The following APELA variants were observed in gnomAD, a reference collection of about 807,000 sequenced individuals.
APELA encodes the protein apelin receptor early endogenous ligand.
chr4:164,888,902 G>A (rs929876982), intron 2 of APELA, among the ~76,000 whole-genome samples: 21 of 152,162 alleles, frequency 1.4e-4, no homozygotes, highest in Admixed American at 1.1e-3. Context: ...CCGCCTAGAC[G>A]TGCTTTTTTC....
chr4:164,882,125 A>G (rs115318210), intron 2 of APELA, among the ~76,000 whole-genome samples: 3,044 of 152,104 alleles, frequency 0.02, 92 homozygotes, highest in African/African-American at 0.069. Context: ...TTTTTGAGAC[A>G]GAGTTTTCAC....
rs1490581588 is a variant in APELA at position 164,896,402 on chromosome 4, T to G, written c.*988T>G. 1 of 152,230 alleles carries G rather than the reference T, an allele frequency of 6.6e-6. No individual in the cohort carries two copies. The highest frequency in any genetic ancestry group is 1.5e-5 in the Non-Finnish European group (1 of 68,048). The allele number at this position is 152,230 out of a possible 1,614,324, so 9.4% of individuals were successfully genotyped here. A position where few individuals can be genotyped will look rare whatever the true frequency, so the allele number is the denominator to read the frequency against. Reference sequence around the variant, plus strand: ...ACGTTTGATTTCCTTTGAAGTTTTGTTATGTCCTTTATTATTTTGTATGGA... The same window carrying G: ...ACGTTTGATTTCCTTTGAAGTTTTGGTATGTCCTTTATTATTTTGTATGGA... On this transcript the variant is annotated 3_prime_UTR_variant, in exon 3 of 3. Transcript: ENST00000507152.
intron 2 of APELA, among the ~76,000 whole-genome samples, chr4:164,879,691 C>A (rs137988273): frequency 6.6e-6 from 1 of 152,204 alleles, no homozygotes; most frequent in Non-Finnish European, 1.5e-5. Context: ...GTGATCCACC[C>A]GCCTTGGCCT....
intron 2 of APELA, among the ~76,000 whole-genome samples, chr4:164,883,484 C>CTTTTTTTTTTTTTTTTT (rs758157733): frequency 7.7e-6 from 1 of 129,368 alleles, no homozygotes; most frequent in Non-Finnish European, 1.6e-5. Context: ...TCTAGTCTTT[C>CTTTTTTTTTTTTTTTTT]TTTTTCTTTT....
intron 2 of APELA, chr4:164,879,278 T>C: frequency 6.7e-6 from 2 of 297,220 alleles, no homozygotes; most frequent in Non-Finnish European, 1.2e-5. Context: ...ATTTGGGGGC[T>C]AATATTATTG....
At chr4:164,884,045 GA>G (rs1730712517) in intron 2 of APELA, among the ~76,000 whole-genome samples, 1 of 147,514 alleles carries the variant, frequency 6.8e-6, no homozygotes, top group African/African-American at 2.5e-5. Context: ...AAGAAAAAAG[GA>G]AAGAAAGAAA....
chr4:164,884,187 GAAAC>G (rs1422633691), intron 2 of APELA, among the ~76,000 whole-genome samples: 1 of 150,652 alleles, frequency 6.6e-6, no homozygotes, highest in Non-Finnish European at 1.5e-5. Flanking sequence ...AGAGAAGAAA[GAAAC>G]AAAGAGAGAG....
intron 2 of APELA, among the ~76,000 whole-genome samples, chr4:164,879,423 T>G (rs1035953801): frequency 5.3e-5 from 8 of 151,602 alleles, no homozygotes. Context: ...CTTCTCCTCC[T>G]CTCCTCCTCT....
At chr4:164,895,346 C>T (rs1730953795) in intron 2 of APELA, 70 bp from the exon 3 acceptor site, 1 of 151,998 alleles carries the variant, frequency 6.6e-6, no homozygotes, top group Non-Finnish European at 1.5e-5. Flanking sequence ...AAAAATTAGG[C>T]ATGTGTTTAT....
chr4:164,878,135 G>GAAA (rs75632850), intron 1 of APELA, among the ~76,000 whole-genome samples: 2 of 112,212 alleles, frequency 1.8e-5, no homozygotes, highest in African/African-American at 7.1e-5. Flanking sequence ...CAGTAAGTTT[G>GAAA]AAAAAAAAAA....
chr4:164,885,169 C>T (rs1389385621), intron 2 of APELA, among the ~76,000 whole-genome samples: 2 of 152,076 alleles, frequency 1.3e-5, no homozygotes, highest in Non-Finnish European at 1.5e-5. Flanking sequence ...CTTGCTCTGT[C>T]GCCCAGGCTG....
At chr4:164,884,373 C>G (rs73871523) in intron 2 of APELA, among the ~76,000 whole-genome samples, 2,253 of 152,230 alleles carry the variant, frequency 0.015, 49 homozygotes, top group African/African-American at 0.051. Context: ...CACATTGTTC[C>G]CCTTTTCCTT....
chr4:164,888,295 C>T (rs757759701), intron 2 of APELA, among the ~76,000 whole-genome samples: 5 of 152,120 alleles, frequency 3.3e-5, no homozygotes, highest in Non-Finnish European at 7.3e-5. Flanking sequence ...GGCAGAGGAC[C>T]AAGACAGGCA....
intron 2 of APELA, among the ~76,000 whole-genome samples, chr4:164,892,277 A>G (rs558550246): frequency 3.3e-5 from 5 of 152,278 alleles, no homozygotes; most frequent in South Asian, 2.1e-4. Flanking sequence ...GCTGTGATCA[A>G]ACCACTGCAT....
In APELA at chr4:164,896,389, C is replaced by T. The variant is rs867177073; in HGVS notation, c.*975C>T. 6.6e-6 allele frequency: 1 copy of T among 152,116 alleles called. No individual in the cohort carries two copies. Among genetic ancestry groups the T allele is most frequent in the Non-Finnish European group, 1.5e-5 (1 of 68,018 alleles). 9.4% of individuals were successfully genotyped at this position (152,116 alleles called of 1,614,324 possible). A position where few individuals can be genotyped will look rare whatever the true frequency, so the allele number is the denominator to read the frequency against. The stretch of plus-strand genomic sequence containing the variant: ...TTATAGGAACCCAACGTTTGATTTC[C>T]TTTGAAGTTTTGTTATGTCCTTTAT... On this transcript the variant is annotated 3_prime_UTR_variant, in exon 3 of 3. Transcript: ENST00000507152.
At chr4:164,884,653 G>A (rs964278738) in intron 2 of APELA, among the ~76,000 whole-genome samples, 1 of 151,454 alleles carries the variant, frequency 6.6e-6, no homozygotes, top group Non-Finnish European at 1.5e-5. Context: ...GATCATTGTT[G>A]GTAAGTCATT....
rs376365478 is a variant in APELA at position 164,892,803 on chromosome 4, A to G, written c.*2-2613A>G. ...TTTTCTTGCTATATATCCATTTCAG[A>G]TTTTTATTTCTTTTTGAGTCAGTTT... On this transcript the variant is annotated intron_variant, in intron 2 of 2. Coordinates refer to ENST00000507152, the MANE Select transcript of APELA (RefSeq NM_001297550.2). 5.1e-4 allele frequency among the ~76,000 whole-genome samples: 78 copies of G among 152,128 alleles called. 1 individual carries two copies. Among genetic ancestry groups the G allele is most frequent in the African/African-American group, 1.7e-3 (69 of 41,516 alleles).
chr4:164,892,813 C>A (rs1033615478), intron 2 of APELA, among the ~76,000 whole-genome samples: 1 of 151,962 alleles, frequency 6.6e-6, no homozygotes, highest in African/African-American at 2.4e-5. Context: ...ATTTTTATTT[C>A]TTTTTGAGTC....
intron 2 of APELA, among the ~76,000 whole-genome samples, chr4:164,883,055 C>A (rs1730691997): frequency 6.6e-6 from 1 of 152,122 alleles, no homozygotes; most frequent in Admixed American, 6.6e-5. Context: ...CTGTCTTATT[C>A]TTACCCCCTT....
Sources: allele counts gnomAD v4.1 joint callset (sites outside exome capture counted in the v4.1 genomes callset), GRCh38; gene constraint gnomAD v4.1.1; transcripts MANE v1.5; gene names NCBI Gene and HGNC (gene_info 2026-07-23, HGNC 2026-07-21).